Variants in PGM2 observed in about 807,000 individuals in gnomAD.
PGM2 encodes the protein phosphoglucomutase 2, also known as phosphopentomutase.
A neutral mutation model predicts 74.6 loss-of-function variants in PGM2; 57 were observed. That is an observed-to-expected ratio of 0.76 (90% CI 0.62 to 0.95). The LOEUF (loss-of-function observed/expected upper bound fraction) is 0.95, where lower values mean the gene tolerates loss of function less well. Among genes scored for constraint, PGM2 ranks in the 40% least tolerant of loss-of-function variants. The probability of loss-of-function intolerance (pLI) is 0.00; values close to 1 mark genes in which losing one functional copy is unlikely to be tolerated. For missense variants in PGM2, 706 were observed against 741.9 expected, an observed-to-expected ratio of 0.95 and a Z score of 0.56; for synonymous variants, 273 against 260.7, an observed-to-expected ratio of 1.05 and a Z score of -0.46.
At chr4:37,833,592 C>T (rs1208214561) in intron 2 of PGM2, among the ~76,000 whole-genome samples, 1 of 152,092 alleles carries the variant, frequency 6.6e-6, no homozygotes, top group East Asian at 1.9e-4. Context: ...TTTAATAAGA[C>T]TTCCTTTAGC....
At position 37,826,754 on chromosome 4, in the gene PGM2, G is replaced by C. The variant is rs1249350394; in HGVS notation, c.22G>C (p.Gly8Arg). 1 of 1,550,018 alleles carries C rather than the reference G, an allele frequency of 6.5e-7. No homozygotes were observed. Among genetic ancestry groups the C allele is most frequent in the Non-Finnish European group, 8.7e-7 (1 of 1,146,432 alleles). The change falls in exon 1 of 14, where the codon GGT (glycine) becomes CGT (arginine). Residue 8 changes from glycine to arginine, a missense_variant. This residue lies in a region of PGM2 where 332 missense variants were observed against 334.9 expected (regional missense o/e 0.99). Coordinates refer to ENST00000381967, the MANE Select transcript of PGM2 (RefSeq NM_018290.4). ...AGCGATGGCGGCTCCAGAAGGCAGC[G>C]GTCTAGGCGAGGACGCCCGGCTGGA... MAAPEGS[G>R]LGEDARLDQE...
chr4:37,845,029 C>T (rs936998102), intron 7 of PGM2, among the ~76,000 whole-genome samples: 3 of 150,162 alleles, frequency 2.0e-5, no homozygotes, highest in South Asian at 2.1e-4. Flanking sequence ...TCATTAATTT[C>T]TTAAAGGATC....
chr4:37,832,762 G>T (rs1725470609), intron 2 of PGM2, among the ~76,000 whole-genome samples: 1 of 152,126 alleles, frequency 6.6e-6, no homozygotes, highest in Non-Finnish European at 1.5e-5. Context: ...ATTATTTTAA[G>T]CCAAAATCTG....
intron 11 of PGM2, 108 bp downstream of exon 11, chr4:37,848,759 G>A: frequency 1.1e-6 from 1 of 884,274 alleles, no homozygotes; most frequent in Non-Finnish European, 1.8e-6. Context: ...TTTTGGTGAT[G>A]AATTCTATTT....
intron 12 of PGM2, among the ~76,000 whole-genome samples, chr4:37,853,557 A>G (rs1289668578): frequency 6.6e-6 from 1 of 152,006 alleles, no homozygotes; most frequent in Admixed American, 6.6e-5. Context: ...GATGATCCTT[A>G]ATTTTCCTTT....
At chr4:37,842,774 C>T (rs1371117584) in intron 6 of PGM2, among the ~76,000 whole-genome samples, 1 of 152,118 alleles carries the variant, frequency 6.6e-6, no homozygotes, top group African/African-American at 2.4e-5. Flanking sequence ...AATGCTCCTG[C>T]CTCAGCCCTC....
At chr4:37,860,874 T>A (rs1185336572) in intron 13 of PGM2, among the ~76,000 whole-genome samples, 1 of 152,198 alleles carries the variant, frequency 6.6e-6, no homozygotes, top group Non-Finnish European at 1.5e-5. Context: ...TAAAGGGATT[T>A]GTCTCCCCAG....
Position 37,861,820 on chromosome 4 carries a change from A to T in PGM2, c.*208A>T, listed in dbSNP as rs1711787403. Reference sequence around the variant, plus strand: ...CAACAAACTAACATTCCTACTAAAAAGTTGAGCTTGGACATATTTTGAATT... The same window carrying T: ...CAACAAACTAACATTCCTACTAAAATGTTGAGCTTGGACATATTTTGAATT... On this transcript the variant is annotated 3_prime_UTR_variant, in exon 14 of 14. Transcript: ENST00000381967. 1 of 428,118 alleles carries T rather than the reference A, an allele frequency of 2.3e-6. No homozygotes were observed. Among genetic ancestry groups the T allele is most frequent in the East Asian group, 3.4e-5 (1 of 29,346 alleles). 26.5% of individuals were successfully genotyped at this position (428,118 alleles called of 1,614,324 possible).
At chr4:37,826,862 C>T (rs764025900) in intron 1 of PGM2, 49 bp downstream of exon 1, 7 of 1,207,128 alleles carry the variant, frequency 5.8e-6, no homozygotes, top group Non-Finnish European at 7.1e-6. Flanking sequence ...GCCGGGTGCT[C>T]TGCCCTCTCC....
At chr4:37,837,670 C>A (rs1265021036) in intron 4 of PGM2, 57 bp downstream of exon 4, 4 of 1,104,558 alleles carry the variant, frequency 3.6e-6, no homozygotes, top group Non-Finnish European at 5.6e-6. Flanking sequence ...TGGGACTTGG[C>A]TGAATTTTAT....
Position 37,848,549 on chromosome 4 carries a change from A to G in PGM2, c.1310A>G (p.Asp437Gly). ...IGYMCCPFVL[D>G]KDGVSAAVIS... ...TACATGTGCTGCCCTTTTGTTCTGGACAAAGATGGAGTCAGTGCCGCTGTC... is the reference window on the plus strand; with the variant it reads ...TACATGTGCTGCCCTTTTGTTCTGGGCAAAGATGGAGTCAGTGCCGCTGTC... The change falls in exon 11 of 14, where the codon GAC (aspartate) becomes GGC (glycine). Residue 437 changes from aspartate (D) to glycine (G), a missense_variant. Coordinates refer to ENST00000381967, the MANE Select transcript of PGM2 (RefSeq NM_018290.4). The G allele has an allele frequency of 6.2e-7, 1 of 1,613,670 alleles. No individual in the cohort carries two copies. Among genetic ancestry groups the G allele is most frequent in the Non-Finnish European group, 8.5e-7 (1 of 1,179,622 alleles).
At chr4:37,855,535 C>T (rs1726169915) in intron 12 of PGM2, 73 bp from the exon 13 acceptor site, 8 of 1,322,616 alleles carry the variant, frequency 6.0e-6, no homozygotes, top group Non-Finnish European at 6.2e-6. Flanking sequence ...TATTTTCTTA[C>T]TTATGCAAGA....
rs768837181 is a variant in PGM2 at position 37,847,023 on chromosome 4, G to C, written c.1100G>C (p.Ser367Thr). Reference protein sequence around the residue: ...TSWKEKNQDRSALKDTYMLSS... With the variant: ...TSWKEKNQDRTALKDTYMLSS... ...TGGAAAGAGAAGAACCAGGATCGCA[G>C]TGCTCTCAAAGACACGTACATGTTG... Residue 367 changes from serine to threonine, a missense_variant, in exon 9 of 14, where the codon AGT becomes ACT. By Grantham distance (58) the Ser-to-Thr change is moderately conservative. Coordinates refer to ENST00000381967, the MANE Select transcript of PGM2 (RefSeq NM_018290.4). 2 of 1,613,540 alleles carry C rather than the reference G, an allele frequency of 1.2e-6. No homozygotes were observed. Among genetic ancestry groups the C allele is most frequent in the South Asian group, 1.1e-5 (1 of 91,084 alleles).
rs541203269 is a variant in PGM2 at position 37,860,108 on chromosome 4, C to T, written c.1737-1402C>T. ...CTGCATACATGAATCGTAATGTTCA[C>T]TCATGTCATGATTAAGAAATAAATT... On this transcript the variant is annotated intron_variant, in intron 13 of 13. Coordinates refer to ENST00000381967, the MANE Select transcript of PGM2 (RefSeq NM_018290.4). Among the ~76,000 whole-genome samples, 4 of 152,224 alleles carry T rather than the reference C, an allele frequency of 2.6e-5. No individual in the cohort carries two copies. In the East Asian group the frequency reaches 7.7e-4, roughly 29 times the overall value.
At chr4:37,827,136 C>T (rs1389363841) in intron 1 of PGM2, among the ~76,000 whole-genome samples, 1 of 152,284 alleles carries the variant, frequency 6.6e-6, no homozygotes, top group Non-Finnish European at 1.5e-5. Flanking sequence ...TTGAGGGGCG[C>T]ACGCCTTACT....
intron 8 of PGM2, among the ~76,000 whole-genome samples, chr4:37,845,989 G>A (rs1364865566): frequency 6.6e-6 from 1 of 152,082 alleles, no homozygotes; most frequent in African/African-American, 2.4e-5. Flanking sequence ...CTCCTATTTG[G>A]GAACTTCTCA....
intron 1 of PGM2, among the ~76,000 whole-genome samples, chr4:37,827,259 C>G (rs886885423): frequency 7.9e-5 from 12 of 152,206 alleles, no homozygotes; most frequent in Non-Finnish European, 1.8e-4. Flanking sequence ...GAGCAGCGTT[C>G]TGGTCCGGTC....
intron 4 of PGM2, chr4:37,839,409 C>G (rs555729493): frequency 8.2e-5 from 31 of 378,062 alleles, no homozygotes; most frequent in Non-Finnish European, 1.5e-4. Context: ...GACACCACCC[C>G]TGGCCCCTCA....
At chr4:37,827,481 G>T (rs1725323768) in intron 1 of PGM2, among the ~76,000 whole-genome samples, 1 of 151,758 alleles carries the variant, frequency 6.6e-6, no homozygotes, top group Non-Finnish European at 1.5e-5. Context: ...TCGCCCTTTC[G>T]ACCTGTTCTG....
Sources: allele counts gnomAD v4.1 joint callset (sites outside exome capture counted in the v4.1 genomes callset), GRCh38; gene constraint gnomAD v4.1.1; regional missense constraint gnomAD v4.1.1; transcripts MANE v1.5; gene names NCBI Gene and HGNC (gene_info 2026-07-23, HGNC 2026-07-21).